USP34: variants seen among roughly 807,000 people sequenced by gnomAD.
USP34 encodes the protein ubiquitin specific peptidase 34, also known as ubiquitin carboxyl-terminal hydrolase 34.
A neutral mutation model predicts 460.3 loss-of-function variants in USP34; 70 were observed. The observed-to-expected ratio is 0.15, with a 90% CI of 0.13 to 0.19. USP34 has a LOEUF of 0.19. Ranked by LOEUF, USP34 falls within the 10% of genes least tolerant of loss-of-function variation. The pLI, the probability that USP34 is intolerant of heterozygous loss-of-function variation, is 1.00. For missense variants in USP34, 3,985 were observed against 4,236.2 expected (o/e 0.94, Z 1.65); for synonymous variants, 1,647 against 1,405.3 (o/e 1.17, Z -3.85).
At position 61,254,812 on chromosome 2, in the gene USP34, TATA is replaced by T. The variant is rs555143692; in HGVS notation, c.6221+1569_6221+1571del. On this transcript the variant is annotated intron_variant, in intron 48 of 79. Coordinates refer to ENST00000398571, the MANE Select transcript of USP34 (RefSeq NM_014709.4). The stretch of plus-strand genomic sequence containing the variant: ...GAATAATAATAAAGGGAAAAAATTG[TATA>T]ATGTTTGGCACGCATTAGTAGAACA... Among the ~76,000 whole-genome samples the T allele has an allele frequency of 2.7e-4, 41 of 152,292 alleles. No homozygotes were observed. In the South Asian group the frequency reaches 6.2e-3, roughly 23 times the overall value.
intron 29 of USP34, 143 bp downstream of exon 29, chr2:61,300,808 C>CAA (rs1251239037): frequency 2.4e-5 from 11 of 455,602 alleles, no homozygotes; most frequent in African/African-American, 6.5e-5. Flanking sequence ...AAAAAGAAAA[C>CAA]AAAAAAAAAA....
At chr2:61,298,342 A>C (rs1572910933) in intron 29 of USP34, among the ~76,000 whole-genome samples, 1 of 143,284 alleles carries the variant, frequency 7.0e-6, no homozygotes, top group East Asian at 2.0e-4. Flanking sequence ...TAACAGAGTG[A>C]AACCCTGTCT....
intron 75 of USP34, among the ~76,000 whole-genome samples, chr2:61,199,605 A>G (rs1686910062): frequency 6.6e-6 from 1 of 152,240 alleles, no homozygotes; most frequent in Admixed American, 6.5e-5. Context: ...CTAAAGAGTG[A>G]CATATTAAAG....
chr2:61,391,372 G>T (rs1306356273), intron 5 of USP34, among the ~76,000 whole-genome samples: 2 of 151,918 alleles, frequency 1.3e-5, no homozygotes, highest in African/African-American at 4.8e-5. Context: ...AAACAGAATG[G>T]GATCATTTCC....
At chr2:61,221,797 G>A (rs767982481) in intron 65 of USP34, 191 bp from the exon 66 acceptor site, 44 of 440,550 alleles carry the variant, frequency 1.0e-4, no homozygotes, top group Non-Finnish European at 1.5e-4. Context: ...AAAGTCAACC[G>A]GGAACCACGT....
At chr2:61,447,508 G>A (rs1198402575) in intron 1 of USP34, among the ~76,000 whole-genome samples, 1 of 152,098 alleles carries the variant, frequency 6.6e-6, no homozygotes, top group Admixed American at 6.6e-5. Flanking sequence ...AACTTTGCAT[G>A]AGTCCATCAC....
chr2:61,430,949 G>A (rs1694658822), intron 1 of USP34, among the ~76,000 whole-genome samples: 1 of 152,090 alleles, frequency 6.6e-6, no homozygotes, highest in African/African-American at 2.4e-5. Flanking sequence ...GGCTCATAGT[G>A]AGCTATGATC....
chr2:61,443,363 A>G (rs1488363384), intron 1 of USP34, among the ~76,000 whole-genome samples: 1 of 152,214 alleles, frequency 6.6e-6, no homozygotes, highest in Admixed American at 6.6e-5. Flanking sequence ...ATCACTATAT[A>G]TGTATCAACA....
chr2:61,459,061 A>G (rs1695519682), intron 1 of USP34, among the ~76,000 whole-genome samples: 1 of 152,186 alleles, frequency 6.6e-6, no homozygotes, highest in Non-Finnish European at 1.5e-5. Flanking sequence ...TCAAGACTCC[A>G]TCTCGGGAAA....
At chr2:61,343,585 CT>C (rs1691670005) in intron 16 of USP34, among the ~76,000 whole-genome samples, 1 of 151,996 alleles carries the variant, frequency 6.6e-6, no homozygotes. Context: ...TATATATTTT[CT>C]TTCCCCGCTG....
At chr2:61,309,687 T>A (rs930162289) in intron 27 of USP34, among the ~76,000 whole-genome samples, 1 of 152,188 alleles carries the variant, frequency 6.6e-6, no homozygotes, top group Admixed American at 6.5e-5. Flanking sequence ...AAAGAAGAAA[T>A]TCTGCTTTGA....
chr2:61,421,667 G>C (rs1694360802), intron 1 of USP34, among the ~76,000 whole-genome samples: 1 of 152,092 alleles, frequency 6.6e-6, no homozygotes, highest in Non-Finnish European at 1.5e-5. Flanking sequence ...CTGGATCACT[G>C]TATCACATTA....
intron 75 of USP34, chr2:61,199,973 T>G (rs1344727256): frequency 1.3e-4 from 20 of 152,390 alleles, no homozygotes; most frequent in Non-Finnish European, 1.5e-5. Context: ...ACCATAACTT[T>G]ACTAAGTATT....
chr2:61,282,948 T>C (rs550415862), intron 37 of USP34, among the ~76,000 whole-genome samples, 197 bp downstream of exon 37: 21 of 152,322 alleles, frequency 1.4e-4, no homozygotes, highest in Admixed American at 3.9e-4. Context: ...ATATAAATGC[T>C]ACATAATATA....
intron 67 of USP34, among the ~76,000 whole-genome samples, chr2:61,215,125 T>G (rs1469483443): frequency 6.6e-6 from 1 of 152,220 alleles, no homozygotes; most frequent in Non-Finnish European, 1.5e-5. Context: ...AAAATAATGA[T>G]AATTTACTTT....
chr2:61,278,215 T>C lies in USP34; in HGVS notation c.5383A>G (p.Thr1795Ala), dbSNP rs765040110. The part of the protein sequence containing the change: ...DGLTGLLRLA[T>A]SVVKHKPPFK... ...GGTGGTTTGTGTTTAACAACACTTG[T>C]TGCAAGCCTTAGGAGTCCTGTAAGC... The change falls in exon 41 of 80, where the codon ACA (threonine) becomes GCA (alanine). Residue 1795 changes from threonine (T) to alanine (A), a missense_variant. Coordinates refer to ENST00000398571, the MANE Select transcript of USP34 (RefSeq NM_014709.4). The C allele has an allele frequency of 3.1e-6, 5 of 1,613,794 alleles. No homozygotes were observed. In the Admixed American group the frequency reaches 6.7e-5, roughly 22 times the overall value.
intron 75 of USP34, among the ~76,000 whole-genome samples, chr2:61,198,941 G>A (rs1207494624): frequency 6.6e-6 from 1 of 152,096 alleles, no homozygotes; most frequent in Non-Finnish European, 1.5e-5. Context: ...TGTCTAAACT[G>A]CCTATTCATG....
chr2:61,443,322 T>C (rs1285421153), intron 1 of USP34, among the ~76,000 whole-genome samples: 1 of 152,124 alleles, frequency 6.6e-6, no homozygotes, highest in Non-Finnish European at 1.5e-5. Flanking sequence ...GGATAAATGT[T>C]TGAGATGAAT....
intron 51 of USP34, among the ~76,000 whole-genome samples, chr2:61,242,458 TAC>T (rs67471702): frequency 0.072 from 9,342 of 129,626 alleles, 359 homozygotes; most frequent in Middle Eastern, 0.095. Flanking sequence ...AGATAATACA[TAC>T]ACACACACAC....
Sources: gnomAD v4.1 joint callset for allele counts (sites outside exome capture counted in the v4.1 genomes callset) on GRCh38, gnomAD v4.1.1 for gene constraint, MANE v1.5 for transcripts, NCBI Gene and HGNC (gene_info 2026-07-23, HGNC 2026-07-21) for gene names.